Variants in SATB1 observed in about 807,000 individuals in gnomAD.
The protein encoded by SATB1 is DNA-binding protein SATB1.
Under a neutral mutation model 86.9 loss-of-function variants are expected in SATB1, and 11 were observed. That is an observed-to-expected ratio of 0.13 (90% CI 0.08 to 0.21). SATB1 has a LOEUF of 0.21. SATB1 is among the 10% of genes least tolerant of loss of function. The pLI, the probability that SATB1 is intolerant of heterozygous loss-of-function variation, is 1.00. For missense variants in SATB1, 551 were observed against 937.6 expected, an observed-to-expected ratio of 0.59 and a Z score of 5.39; for synonymous variants, 357 against 357.2, an observed-to-expected ratio of 1.00 and a Z score of 0.01.
rs1694175592 is a variant in SATB1 at position 18,348,533 on chromosome 3, CT to C, written c.*636del. Reference sequence around the variant, plus strand: ...AGGACTAAATTGTGTTTCACATTTTCTTTTCCTTTTTTTAAAAAATCATGTA... The same window carrying C: ...AGGACTAAATTGTGTTTCACATTTTCTTTCCTTTTTTTAAAAAATCATGTA... On this transcript the variant is annotated 3_prime_UTR_variant, in exon 11 of 11. Transcript: ENST00000338745. 6.6e-6 allele frequency: 1 copy of C among 152,326 alleles called. No individual in the cohort carries two copies. Among genetic ancestry groups the C allele is most frequent in the African/African-American group, 2.4e-5 (1 of 41,342 alleles). 9.4% of individuals were successfully genotyped at this position (152,326 alleles called of 1,614,324 possible). A position where few individuals can be genotyped will look rare whatever the true frequency, so the allele number is the denominator to read the frequency against.
At chr3:18,433,025 G>A (rs1698939238) in intron 2 of SATB1, among the ~76,000 whole-genome samples, 1 of 152,020 alleles carries the variant, frequency 6.6e-6, no homozygotes, top group Non-Finnish European at 1.5e-5. Flanking sequence ...CTGACCCAAG[G>A]ATAATTAACA....
At chr3:18,351,562 C>G (rs1694363672) in intron 10 of SATB1, 2 of 613,654 alleles carry the variant, frequency 3.3e-6, no homozygotes, top group Non-Finnish European at 5.6e-6. Context: ...GGACAGAATC[C>G]AATGTATAAA....
chr3:18,417,841 G>C (rs1442996929), intron 2 of SATB1: 1 of 558,696 alleles, frequency 1.8e-6, no homozygotes, highest in Non-Finnish European at 3.1e-6. Context: ...AGATAGAAAA[G>C]GAAACTGACA....
At chr3:18,359,884 T>C (rs1049672373) in intron 9 of SATB1, among the ~76,000 whole-genome samples, 3 of 151,688 alleles carry the variant, frequency 2.0e-5, no homozygotes, top group Admixed American at 6.6e-5. Flanking sequence ...CTTTCTATCA[T>C]TAAGAACCAT....
chr3:18,386,959 C>CA lies in SATB1; in HGVS notation c.1207-349dup, dbSNP rs1269178110. 6.6e-6 allele frequency among the ~76,000 whole-genome samples: 1 copy of CA among 152,126 alleles called. No individual in the cohort carries two copies. On this transcript the variant is annotated intron_variant, in intron 7 of 10. Coordinates refer to ENST00000338745, the MANE Select transcript of SATB1 (RefSeq NM_002971.6). The surrounding 1 kb of genome is among the most constrained non-coding windows in gnomAD (Gnocchi z 4.5). Reference sequence around the variant, plus strand: ...CAACAGCACTGAACTGTATAGTTCCCAAGCTGCCTAGACAAAGGCAGTGTA... The same window carrying CA: ...CAACAGCACTGAACTGTATAGTTCCCAAAGCTGCCTAGACAAAGGCAGTGTA...
intron 5 of SATB1, among the ~76,000 whole-genome samples, chr3:18,400,715 C>T (rs1026192625): frequency 6.6e-6 from 1 of 152,134 alleles, no homozygotes; most frequent in Non-Finnish European, 1.5e-5. Context: ...TCCTTTGCCT[C>T]CTCCTCATCA....
chr3:18,410,815 A>G (rs1354133812), intron 5 of SATB1: 1 of 346,314 alleles, frequency 2.9e-6, no homozygotes, highest in Non-Finnish European at 5.1e-6. Context: ...AATAAAGTAC[A>G]GTTTATTAAA....
At chr3:18,385,347 G>A (rs1372269325) in intron 8 of SATB1, among the ~76,000 whole-genome samples, 1 of 152,190 alleles carries the variant, frequency 6.6e-6, no homozygotes, top group Non-Finnish European at 1.5e-5. Context: ...TTGCAGCCGG[G>A]CGCGGTGGCT....
intron 5 of SATB1, among the ~76,000 whole-genome samples, chr3:18,400,042 C>T (rs1697172350): frequency 6.6e-6 from 1 of 151,972 alleles, no homozygotes; most frequent in African/African-American, 2.4e-5. Context: ...TTGTGGTGCA[C>T]ATGGCATTTG....
chr3:18,346,667 A>AATC lies in SATB1; in HGVS notation c.*2500_*2502dup, dbSNP rs1431244959. On this transcript the variant is annotated 3_prime_UTR_variant, in exon 11 of 11. Coordinates refer to ENST00000338745, the MANE Select transcript of SATB1 (RefSeq NM_002971.6). ...CCACGCTGACTTTTAAAAGTTAAAA[A>AATC]ATCTAAGTGGGAATTTTGTTAGCAT... 6.6e-6 allele frequency: 1 copy of AATC among 152,072 alleles called. No homozygotes were observed. The allele number at this position is 152,072 out of a possible 1,614,324, so 9.4% of individuals were successfully genotyped here.
intron 6 of SATB1, among the ~76,000 whole-genome samples, chr3:18,396,222 T>A (rs940669244): frequency 1.1e-4 from 17 of 152,126 alleles, no homozygotes; most frequent in Non-Finnish European, 2.1e-4. Flanking sequence ...GGTAGATGGA[T>A]GGTTTTTCTT....
intron 9 of SATB1, among the ~76,000 whole-genome samples, chr3:18,373,069 T>A (rs4131281): frequency 0.23 from 35,083 of 152,132 alleles, 4,467 homozygotes; most frequent in Non-Finnish European, 0.26. Flanking sequence ...GGCAAGTGGG[T>A]CCCAGGGAGA....
At position 18,420,884 on chromosome 3, in the gene SATB1, G is replaced by A. The variant is rs1175145068; in HGVS notation, c.84C>T (p.Ala28=). Residue 28 remains alanine (A), a synonymous_variant, in exon 2 of 11, where the codon GCC becomes GCT. Transcript: ENST00000338745. ...NNVSDPKGPP[A]KIARLEQNGS... ...CGTTCTGCTCCAGGCGGGCAATCTT[G>A]GCTGGTGGACCCTTCGGATCACTCA... 6.2e-7 allele frequency: 1 copy of A among 1,614,188 alleles called. No homozygotes were observed. Among genetic ancestry groups the A allele is most frequent in the Non-Finnish European group, 8.5e-7 (1 of 1,180,036 alleles).
chr3:18,445,123 C>G, intron 1 of SATB1: 1 of 740,842 alleles, frequency 1.3e-6, no homozygotes, highest in East Asian at 1.3e-4. Flanking sequence ...CGGCGGACCC[C>G]GCGTAGCCGC....
At chr3:18,436,066 T>A (rs1382263530) in intron 2 of SATB1, among the ~76,000 whole-genome samples, 1 of 152,190 alleles carries the variant, frequency 6.6e-6, no homozygotes, top group Non-Finnish European at 1.5e-5. Flanking sequence ...TTTCAGAATA[T>A]TTTGGATGCA....
intron 2 of SATB1, among the ~76,000 whole-genome samples, chr3:18,435,733 C>G (rs1301977457): frequency 1.3e-5 from 2 of 151,908 alleles, no homozygotes; most frequent in Non-Finnish European, 2.9e-5. Flanking sequence ...TAATCAGTGA[C>G]CATCAGGGCC....
chr3:18,422,238 A>G (rs1323738855), intron 1 of SATB1, among the ~76,000 whole-genome samples: 1 of 152,162 alleles, frequency 6.6e-6, no homozygotes, highest in Non-Finnish European at 1.5e-5. Flanking sequence ...AAATTCTTAC[A>G]CTGGAGCTAT....
At chr3:18,415,357 G>T (rs1345124419) in intron 4 of SATB1, 123 bp from the exon 5 acceptor site, 6 of 1,104,078 alleles carry the variant, frequency 5.4e-6, no homozygotes, top group Non-Finnish European at 7.9e-6. Flanking sequence ...ATTGCTCTCG[G>T]TCTCCTGATT....
chr3:18,382,424 G>A (rs1696113517), intron 8 of SATB1, among the ~76,000 whole-genome samples: 1 of 152,058 alleles, frequency 6.6e-6, no homozygotes, highest in Non-Finnish European at 1.5e-5. Flanking sequence ...ACCATAAAAT[G>A]CACAAATCAA....
Sources: allele counts gnomAD v4.1 joint callset (sites outside exome capture counted in the v4.1 genomes callset), GRCh38; gene constraint gnomAD v4.1.1; non-coding constraint Gnocchi (gnomAD v3.1); transcripts MANE v1.5; gene names NCBI Gene and HGNC (gene_info 2026-07-23, HGNC 2026-07-21).